The following SMG1 variants were observed in gnomAD, a reference collection of about 807,000 sequenced individuals.
SMG1 encodes SMG1 nonsense mediated mRNA decay associated PI3K related kinase.
Under a neutral mutation model 419.9 loss-of-function variants are expected in SMG1, and 22 were observed. That is an observed-to-expected ratio of 0.05 (90% CI 0.04 to 0.07). The LOEUF (loss-of-function observed/expected upper bound fraction) is 0.07. Ranked by LOEUF, SMG1 falls within the 10% of genes least tolerant of loss-of-function variation. SMG1 has a pLI of 1.00. For synonymous variants in SMG1, 1,538 were observed against 1,553.5 expected (o/e 0.99, Z 0.23); for missense variants, 3,185 against 4,342.0 (o/e 0.73, Z 7.49).
Position 18,847,844 on chromosome 16 carries a change from G to A in SMG1, c.5813C>T (p.Ser1938Phe), listed in dbSNP as rs768976677. Residue 1938 changes from serine to phenylalanine, a missense_variant, in exon 37 of 63, where the codon TCC becomes TTC. By Grantham distance (155) the Ser-to-Phe change is radical. Coordinates refer to ENST00000446231, the MANE Select transcript of SMG1 (RefSeq NM_015092.5). ...TAATACCATGGTGGGGTTTGCAGAG[G>A]ACAGCTTATCTACAATTTTGCTGTA... ...DCYSKIVDKL[S>F]SANPTMVLQV... The A allele has an allele frequency of 3.7e-6, 6 of 1,613,878 alleles. No homozygotes were observed. Among genetic ancestry groups the A allele is most frequent in the Admixed American group, 3.3e-5 (2 of 60,010 alleles).
At chr16:18,900,083 G>C (rs1466153921) in intron 1 of SMG1, 1 of 1,036,214 alleles carries the variant, frequency 9.7e-7, no homozygotes, top group Non-Finnish European at 1.4e-6. Context: ...AAGACAGTGG[G>C]TTAAAACATT....
At chr16:18,864,800 C>T in intron 23 of SMG1, among the ~76,000 whole-genome samples, 1 of 152,156 alleles carries the variant, frequency 6.6e-6, no homozygotes. Context: ...ATTTTAAACA[C>T]ACATATCTCA....
intron 3 of SMG1, among the ~76,000 whole-genome samples, chr16:18,893,678 C>A (rs1410908847): frequency 6.6e-6 from 1 of 151,772 alleles, no homozygotes; most frequent in Non-Finnish European, 1.5e-5. Flanking sequence ...TGCTATTTAC[C>A]ATAATTAGCC....
chr16:18,880,742 A>G (rs1389743386), intron 10 of SMG1, among the ~76,000 whole-genome samples: 10 of 124,382 alleles, frequency 8.0e-5, no homozygotes, highest in East Asian at 2.3e-4. Flanking sequence ...GCGGAGGGGG[A>G]AGCATTCTTG....
At chr16:18,841,921 A>C in intron 40 of SMG1, 127 bp from the exon 41 acceptor site, 2 of 819,196 alleles carry the variant, frequency 2.4e-6, no homozygotes, top group Non-Finnish European at 4.0e-6. Context: ...GAGAGCATTA[A>C]AGAATTCTAT....
intron 1 of SMG1, chr16:18,900,080 T>C: frequency 9.0e-7 from 1 of 1,107,496 alleles, no homozygotes; most frequent in African/African-American, 1.5e-5. Flanking sequence ...GTGAAGACAG[T>C]GGGTTAAAAC....
intron 1 of SMG1, among the ~76,000 whole-genome samples, chr16:18,916,571 G>C (rs939865089): frequency 2.1e-5 from 3 of 145,544 alleles, no homozygotes; most frequent in African/African-American, 7.6e-5. Context: ...CTCTGCATGA[G>C]CAAACTCCAC....
intron 48 of SMG1, 97 bp downstream of exon 48, chr16:18,835,836 T>G (rs1596487942): frequency 1.7e-6 from 2 of 1,172,504 alleles, no homozygotes; most frequent in Non-Finnish European, 2.4e-6. Context: ...GAGACGGAGG[T>G]TGCAGTGAGC....
intron 1 of SMG1, among the ~76,000 whole-genome samples, chr16:18,899,297 A>G (rs1424336199): frequency 2.0e-5 from 3 of 152,150 alleles, no homozygotes; most frequent in South Asian, 2.1e-4. Context: ...TTGGTTAGAA[A>G]TAAGGTTTCT....
In SMG1 at chr16:18,842,162, T is replaced by C. The variant is rs182012774; in HGVS notation, c.6466+46A>G. 4,470 of 1,561,536 alleles carry C rather than the reference T, an allele frequency of 2.9e-3. 35 individuals carry two copies. The highest frequency in any genetic ancestry group is 0.018 in the South Asian group (1,526 of 85,584). On this transcript the variant is annotated intron_variant, in intron 40 of 62. Transcript: ENST00000446231. The stretch of plus-strand genomic sequence containing the variant: ...CACCCACACTCACACAAAGCATTAG[T>C]AAGACTAATACTCTTCTGAAAAATG...
At chr16:18,890,348 A>G (rs2036821197) in intron 5 of SMG1, among the ~76,000 whole-genome samples, 1 of 152,182 alleles carries the variant, frequency 6.6e-6, no homozygotes, top group African/African-American at 2.4e-5. Context: ...AAAAAAATAA[A>G]ATATTCCAGC....
At position 18,919,969 on chromosome 16, in the gene SMG1, T is replaced by C. The variant is rs1019232023; in HGVS notation, c.92+5981A>G. On this transcript the variant is annotated intron_variant, in intron 1 of 62. Coordinates refer to ENST00000446231, the MANE Select transcript of SMG1 (RefSeq NM_015092.5). Reference sequence around the variant, plus strand: ...AGCCGGGCCTGGTGACATGCACCTGTAGTCCCAGCTACTCGGGAGGCTGAG... The same window carrying C: ...AGCCGGGCCTGGTGACATGCACCTGCAGTCCCAGCTACTCGGGAGGCTGAG... 4.8e-4 allele frequency among the ~76,000 whole-genome samples: 73 copies of C among 151,416 alleles called. 1 individual carries two copies. Among genetic ancestry groups the C allele is most frequent in the Admixed American group, 4.6e-3 (70 of 15,206 alleles).
intron 6 of SMG1, among the ~76,000 whole-genome samples, chr16:18,887,923 T>G (rs1043133823): frequency 2.0e-5 from 3 of 151,494 alleles, no homozygotes; most frequent in African/African-American, 7.3e-5. Flanking sequence ...CCCAATACTT[T>G]GGGAGGCCGA....
chr16:18,847,840 A>G lies in SMG1; in HGVS notation c.5817T>C (p.Ser1939=). 6.2e-7 allele frequency: 1 copy of G among 1,613,992 alleles called. No individual in the cohort carries two copies. The highest frequency in any genetic ancestry group is 1.7e-5 in the Admixed American group (1 of 60,024). The change falls in exon 37 of 63, where the codon TCT becomes TCC. Residue 1939 remains serine (S), a synonymous_variant. Coordinates refer to ENST00000446231, the MANE Select transcript of SMG1 (RefSeq NM_015092.5). ...CCTGTAATACCATGGTGGGGTTTGCAGAGGACAGCTTATCTACAATTTTGC... is the reference window on the plus strand; with the variant it reads ...CCTGTAATACCATGGTGGGGTTTGCGGAGGACAGCTTATCTACAATTTTGC... ...CYSKIVDKLS[S]ANPTMVLQVQ... is the part of the protein sequence containing the mutation.
chr16:18,809,681 T>G (rs1299712237), intron 62 of SMG1, 35 bp from the exon 63 acceptor site: 2 of 1,503,448 alleles, frequency 1.3e-6, no homozygotes, highest in Admixed American at 3.8e-5. Context: ...GTAAAGTCAT[T>G]TAAAGCTTTT....
chr16:18,891,868 T>C (rs1371483909), intron 4 of SMG1, among the ~76,000 whole-genome samples: 2 of 152,204 alleles, frequency 1.3e-5, no homozygotes, highest in African/African-American at 4.8e-5. Context: ...AGAGGTGTGA[T>C]CACATCTCAC....
At position 18,841,705 on chromosome 16, in the gene SMG1, G is replaced by A. The variant is rs766166290; in HGVS notation, c.6556C>T (p.Pro2186Ser). Reference sequence around the variant, plus strand: ...GAATAGTGTCGAGCATGGAACCGGGGTGTTTCTTGGCGATTAATTGTAGCA... The same window carrying A: ...GAATAGTGTCGAGCATGGAACCGGGATGTTTCTTGGCGATTAATTGTAGCA... Reference protein sequence around the residue: ...MFATINRQETPRFHARHYSVT... With the variant: ...MFATINRQETSRFHARHYSVT... The change falls in exon 41 of 63, where the codon CCC becomes TCC. Residue 2186 changes from proline to serine, a missense_variant. Physicochemically the swap from Pro to Ser is moderately conservative, Grantham distance 74. This residue lies in a region of SMG1 where 35 missense variants were observed against 33.8 expected (regional missense o/e 1.04). Transcript: ENST00000446231. The A allele has an allele frequency of 2.5e-6, 4 of 1,613,960 alleles. No homozygotes were observed. The highest frequency in any genetic ancestry group is 3.4e-6 in the Non-Finnish European group (4 of 1,179,870).
Position 18,830,109 on chromosome 16 carries a change from T to C in SMG1, c.8950A>G (p.Lys2984Glu). ...AFSLLVEKLN[K>E]MEIPIAWRKI... ...CGCCAAGCTATGGGAATTTCCATCTTGTTCAACTATGTAAATGAAAGAAAA... is the reference window on the plus strand; with the variant it reads ...CGCCAAGCTATGGGAATTTCCATCTCGTTCAACTATGTAAATGAAAGAAAA... Residue 2984 changes from lysine (K) to glutamate (E), a missense_variant, in exon 53 of 63, where the codon AAG (lysine) becomes GAG (glutamate). Physicochemically the swap from Lys to Glu is moderately conservative, Grantham distance 56 (BLOSUM62 1). This residue lies in a region of SMG1 where 737 missense variants were observed against 846.6 expected (regional missense o/e 0.87). Coordinates refer to ENST00000446231, the MANE Select transcript of SMG1 (RefSeq NM_015092.5). The C allele has an allele frequency of 1.9e-6, 3 of 1,601,782 alleles. No homozygotes were observed. The highest frequency in any genetic ancestry group is 2.6e-6 in the Non-Finnish European group (3 of 1,173,654).
chr16:18,815,973 T>C lies in SMG1; in HGVS notation c.10303-322A>G, dbSNP rs2031964902. 8 of 451,922 alleles carry C rather than the reference T, an allele frequency of 1.8e-5. No homozygotes were observed. In the Admixed American group the frequency reaches 2.0e-4, roughly 11 times the overall value. The allele number at this position is 451,922 out of a possible 1,614,324, so 28.0% of individuals were successfully genotyped here. On this transcript the variant is annotated intron_variant, in intron 58 of 62. Transcript: ENST00000446231. Reference sequence around the variant, plus strand: ...TCATTCATTTTGGAGGCAAACTGTATGGGTTTGTTGGTATAGCTAAGAAAG... The same window carrying C: ...TCATTCATTTTGGAGGCAAACTGTACGGGTTTGTTGGTATAGCTAAGAAAG...
Sources: allele counts gnomAD v4.1 joint callset (sites outside exome capture counted in the v4.1 genomes callset), GRCh38; gene constraint gnomAD v4.1.1; regional missense constraint gnomAD v4.1.1; transcripts MANE v1.5; gene names NCBI Gene and HGNC (gene_info 2026-07-23, HGNC 2026-07-21).